The following CCDC150 variants were observed in gnomAD, a reference collection of about 807,000 sequenced individuals.
The protein encoded by CCDC150 is coiled-coil domain-containing protein 150.
CCDC150 carries 151 observed loss-of-function variants against 156.5 expected under a neutral mutation model. The observed-to-expected ratio is 0.97, with a 90% confidence interval of 0.85 to 1.10. The LOEUF is 1.10. Ranked by LOEUF, CCDC150 falls within the 50% of genes least tolerant of loss-of-function variation. The pLI is 0.00. For synonymous variants in CCDC150, 452 were observed against 429.4 expected, an observed-to-expected ratio of 1.05 and a Z score of -0.65; for missense variants, 1,312 against 1,268.1, an observed-to-expected ratio of 1.03 and a Z score of -0.53.
chr2:196,652,309 C>G (rs571079461), intron 2 of CCDC150, among the ~76,000 whole-genome samples: 59 of 152,360 alleles, frequency 3.9e-4, no homozygotes, highest in African/African-American at 1.4e-3. Flanking sequence ...TTCTTTCTAC[C>G]TGTGAACCTG....
chr2:196,676,467 A>G, intron 11 of CCDC150, 87 bp from the exon 12 acceptor site: 1 of 1,349,930 alleles, frequency 7.4e-7, no homozygotes, highest in Non-Finnish European at 1.0e-6. Context: ...CAGTCAGGAA[A>G]TATGTTCTAT....
chr2:196,693,703 A>T (rs1238176706), intron 13 of CCDC150, among the ~76,000 whole-genome samples: 1 of 152,138 alleles, frequency 6.6e-6, no homozygotes, highest in African/African-American at 2.4e-5. Flanking sequence ...GTGAAAGTGG[A>T]TACCTTTGCC....
At chr2:196,718,833 GT>G (rs370826728) in intron 18 of CCDC150, among the ~76,000 whole-genome samples, 1,947 of 148,926 alleles carry the variant, frequency 0.013, 40 homozygotes, top group African/African-American at 0.046. Flanking sequence ...AACTCCCAAT[GT>G]TTTTTTTTTA....
At chr2:196,666,403 A>G (rs559245216) in intron 6 of CCDC150, among the ~76,000 whole-genome samples, 13 of 152,348 alleles carry the variant, frequency 8.5e-5, no homozygotes, top group South Asian at 2.1e-4. Flanking sequence ...TGCAATGCCA[A>G]TATGGTAGCC....
rs1694714349 is a variant in CCDC150, at chr2:196,679,792, AGTTTT to A, written c.1509+2432_1509+2436del. ...ACTAGCACTTGGTTGTCAGTTTTTT[AGTTTT>A]ATCTATTAGAATTTGTGTGTAGCAG... On this transcript the variant is annotated intron_variant, in intron 13 of 27. Coordinates refer to ENST00000389175, the MANE Select transcript of CCDC150 (RefSeq NM_001080539.2). Among the ~76,000 whole-genome samples, 2 of 152,144 alleles carry A rather than the reference AGTTTT, an allele frequency of 1.3e-5. 1 individual carries two copies. The highest frequency in any genetic ancestry group is 4.1e-4 in the South Asian group (2 of 4,824).
At chr2:196,652,230 G>T (rs568650621) in intron 2 of CCDC150, among the ~76,000 whole-genome samples, 1 of 152,216 alleles carries the variant, frequency 6.6e-6, no homozygotes, top group African/African-American at 2.4e-5. Context: ...TACACTAAAG[G>T]CTTATTCCAG....
chr2:196,671,469 A>G (rs1222989140), intron 8 of CCDC150, among the ~76,000 whole-genome samples: 1 of 121,230 alleles, frequency 8.2e-6, no homozygotes, highest in Non-Finnish European at 1.6e-5. Flanking sequence ...TCACTCTGTC[A>G]CTCAGGCTGG....
chr2:196,730,203 A>G lies in CCDC150; in HGVS notation c.2982+85A>G. The G allele has an allele frequency of 3.4e-6, 4 of 1,176,324 alleles. No individual in the cohort carries two copies. In the East Asian group the frequency reaches 9.9e-5, roughly 29 times the overall value. The allele number at this position is 1,176,324 out of a possible 1,614,324, so 72.9% of individuals were successfully genotyped here. ...CAGTAGTTTTGCACCTAGACTTTCT[A>G]GAGTCTACAGAAGACAACACACATT... On this transcript the variant is annotated intron_variant, in intron 25 of 27. Transcript: ENST00000389175.
At chr2:196,689,106 C>A (rs1371659714) in intron 13 of CCDC150, among the ~76,000 whole-genome samples, 1 of 152,080 alleles carries the variant, frequency 6.6e-6, no homozygotes, top group Non-Finnish European at 1.5e-5. Context: ...TGATCTATAT[C>A]TGTGTTTTGG....
rs1698480276 is a variant in CCDC150 at position 196,730,879 on chromosome 2, A to G, written c.3003A>G (p.Arg1001=). 1.3e-6 allele frequency: 2 copies of G among 1,598,564 alleles called. No homozygotes were observed. Among genetic ancestry groups the G allele is most frequent in the Non-Finnish European group, 1.7e-6 (2 of 1,172,326 alleles). Residue 1001 remains arginine, a synonymous_variant, in exon 26 of 28, where the codon AGA becomes AGG. Coordinates refer to ENST00000389175, the MANE Select transcript of CCDC150 (RefSeq NM_001080539.2). ...NRCQELEETV[R]HLKKCKEATE... The stretch of plus-strand genomic sequence containing the variant: ...TTCAGGAATTGGAAGAAACTGTCAG[A>G]CACCTGAAGAAATGTAAAGAGGCAA...
chr2:196,718,744 G>T, intron 18 of CCDC150, 113 bp downstream of exon 18: 1 of 1,322,524 alleles, frequency 7.6e-7, no homozygotes, highest in Admixed American at 2.8e-5. Flanking sequence ...ATTGATCAGG[G>T]GAGGATTTCT....
intron 13 of CCDC150, among the ~76,000 whole-genome samples, chr2:196,684,666 C>T (rs1302115099): frequency 1.3e-5 from 2 of 152,008 alleles, no homozygotes; most frequent in African/African-American, 4.8e-5. Context: ...CCAACTATTA[C>T]TGTTAAATTA....
chr2:196,723,902 G>A (rs1698066314), intron 21 of CCDC150, among the ~76,000 whole-genome samples: 1 of 152,218 alleles, frequency 6.6e-6, no homozygotes, highest in African/African-American at 2.4e-5. Flanking sequence ...CAGCTCAAGA[G>A]CATAACATGA....
intron 15 of CCDC150, among the ~76,000 whole-genome samples, chr2:196,708,850 G>A (rs1029621312): frequency 6.6e-6 from 1 of 152,166 alleles, no homozygotes; most frequent in Non-Finnish European, 1.5e-5. Context: ...TCTCTGGCTT[G>A]TAGAGTTTCT....
chr2:196,645,848 T>C (rs1302307252), intron 1 of CCDC150, among the ~76,000 whole-genome samples: 1 of 152,228 alleles, frequency 6.6e-6, no homozygotes, highest in Non-Finnish European at 1.5e-5. Context: ...ATAGAATGTT[T>C]TTCAAGAAGG....
chr2:196,652,317 C>G (rs1692934004), intron 2 of CCDC150, among the ~76,000 whole-genome samples: 2 of 152,204 alleles, frequency 1.3e-5, no homozygotes, highest in South Asian at 4.1e-4. Flanking sequence ...ACCTGTGAAC[C>G]TGTAAGACAA....
chr2:196,647,571 T>G (rs1008853639), intron 2 of CCDC150, among the ~76,000 whole-genome samples: 2 of 152,054 alleles, frequency 1.3e-5, no homozygotes, highest in Middle Eastern at 3.4e-3. Context: ...AAAATTGGAG[T>G]GGTTAATAAA....
intron 2 of CCDC150, among the ~76,000 whole-genome samples, chr2:196,649,258 T>C (rs961854262): frequency 3.9e-5 from 6 of 152,202 alleles, no homozygotes; most frequent in Admixed American, 2.0e-4. Context: ...ATTCTTCTAA[T>C]CCATAAACCT....
At chr2:196,683,567 G>C (rs1224357976) in intron 13 of CCDC150, among the ~76,000 whole-genome samples, 1 of 152,054 alleles carries the variant, frequency 6.6e-6, no homozygotes, top group Non-Finnish European at 1.5e-5. Context: ...GTTGGGAAGA[G>C]TTTGTGAGGG....
Sources: allele counts gnomAD v4.1 joint callset (sites outside exome capture counted in the v4.1 genomes callset), GRCh38; gene constraint gnomAD v4.1.1; transcripts MANE v1.5; gene names NCBI Gene and HGNC (gene_info 2026-07-23, HGNC 2026-07-21).